Variants in RYR1 observed in about 807,000 individuals in gnomAD.
RYR1 encodes the protein ryanodine receptor 1.
Under a neutral mutation model 583.5 loss-of-function variants are expected in RYR1, and 342 were observed. The observed-to-expected ratio is 0.59, with a 90% CI of 0.54 to 0.64. The LOEUF (loss-of-function observed/expected upper bound fraction) is 0.64. Among genes scored for constraint, RYR1 ranks in the 30% least tolerant of loss-of-function variants. RYR1 has a pLI of 0.00. For synonymous variants in RYR1, 2,791 were observed against 2,822.5 expected (o/e 0.99, Z 0.35); for missense variants, 6,032 against 6,917.2 (o/e 0.87, Z 4.54).
intron 54 of RYR1, 46 bp downstream of exon 54, chr19:38,505,992 G>C: frequency 1.3e-6 from 2 of 1,594,128 alleles, no homozygotes; most frequent in Non-Finnish European, 1.7e-6. Flanking sequence ...ATGGGGGGAG[G>C]GTCTAGAACA....
intron 82 of RYR1, 24 bp from the exon 83 acceptor site, chr19:38,536,726 C>T (rs1485825612): frequency 6.8e-6 from 11 of 1,613,868 alleles, no homozygotes; most frequent in Admixed American, 1.7e-5. Context: ...CTGCTTCCTC[C>T]TCCCATCCTG....
At chr19:38,566,278 G>A (rs1360435581) in intron 91 of RYR1, among the ~76,000 whole-genome samples, 2 of 151,342 alleles carry the variant, frequency 1.3e-5, no homozygotes, top group Non-Finnish European at 2.9e-5. Context: ...GTGGAACCCC[G>A]TCTCTACTAA....
rs979326951 is a variant in RYR1 at position 38,502,955 on chromosome 19, C to T, written c.7911C>T (p.Ala2637=). 6 of 1,609,824 alleles carry T rather than the reference C, an allele frequency of 3.7e-6. No homozygotes were observed. Among genetic ancestry groups the T allele is most frequent in the Non-Finnish European group, 5.1e-6 (6 of 1,180,010 alleles). Residue 2637 remains alanine, a synonymous_variant, in exon 49 of 106, where the codon GCC becomes GCT. Transcript: ENST00000359596. ...VFDVPILNEF[A]KMPLKLLTNH... ...ACGTGCCCATCCTCAACGAGTTCGC[C>T]AAGATGCCACTCAAGGTGAGGGCAA...
intron 76 of RYR1, among the ~76,000 whole-genome samples, chr19:38,531,034 A>G (rs1971717387): frequency 8.0e-6 from 1 of 124,980 alleles, no homozygotes; most frequent in African/African-American, 3.2e-5. Context: ...GGGTTTCGCC[A>G]TGTTGTCCAG....
chr19:38,583,001 A>G (rs1974283921), intron 101 of RYR1, among the ~76,000 whole-genome samples: 1 of 152,140 alleles, frequency 6.6e-6, no homozygotes, highest in African/African-American at 2.4e-5. Flanking sequence ...GGGGACACGG[A>G]AAGAACAAGT....
intron 89 of RYR1, among the ~76,000 whole-genome samples, chr19:38,556,963 CCT>C (rs1434950098): frequency 6.6e-6 from 1 of 152,020 alleles, no homozygotes. Context: ...CCAGGAGGCA[CCT>C]CCTTTCCAGA....
At chr19:38,586,688 G>T in intron 105 of RYR1, 112 bp downstream of exon 105, 1 of 1,107,124 alleles carries the variant, frequency 9.0e-7, no homozygotes. Flanking sequence ...TTAGGGCTGG[G>T]GGCTGGGCAC....
intron 75 of RYR1, 74 bp downstream of exon 75, chr19:38,528,769 C>T: frequency 2.6e-6 from 4 of 1,513,254 alleles, no homozygotes; most frequent in Non-Finnish European, 3.7e-6. Context: ...CTTGGCACAC[C>T]TCCAGGGGTC....
At chr19:38,536,633 C>A in intron 82 of RYR1, 117 bp from the exon 83 acceptor site, 1 of 1,197,532 alleles carries the variant, frequency 8.4e-7, no homozygotes, top group Non-Finnish European at 1.2e-6. Context: ...TCCTCTCTCT[C>A]TGTGTGTCTT....
Position 38,534,799 on chromosome 19 carries a change from A to C in RYR1, c.11339A>C (p.Gln3780Pro), listed in dbSNP as rs1971893769. 1 of 1,613,290 alleles carries C rather than the reference A, an allele frequency of 6.2e-7. No homozygotes were observed. Reference protein sequence around the residue: ...HTRGAAEMVLQMISACKGETG... With the variant: ...HTRGAAEMVLPMISACKGETG... ...CGGGGGGCGGCCGAGATGGTGCTGCAGATGATCAGTGCCTGCAAAGGTGCC... is the reference window on the plus strand; with the variant it reads ...CGGGGGGCGGCCGAGATGGTGCTGCCGATGATCAGTGCCTGCAAAGGTGCC... The change falls in exon 79 of 106, where the codon CAG becomes CCG. Residue 3780 changes from glutamine (Q) to proline (P), a missense_variant. By Grantham distance (76) the Gln-to-Pro change is moderately conservative (BLOSUM62 -1). This residue lies in a region of RYR1 where 1,493 missense variants were observed against 1,715.5 expected (regional missense o/e 0.87). Coordinates refer to ENST00000359596, the MANE Select transcript of RYR1 (RefSeq NM_000540.3).
intron 20 of RYR1, among the ~76,000 whole-genome samples, chr19:38,462,887 T>TCTC (rs1967836301): frequency 1.1e-5 from 1 of 92,702 alleles, no homozygotes; most frequent in African/African-American, 4.6e-5. Context: ...TAATACTCTC[T>TCTC]CTTCTTTTTT....
chr19:38,525,253 G>A (rs1971414838), intron 70 of RYR1, 79 bp from the exon 71 acceptor site: 10 of 1,565,278 alleles, frequency 6.4e-6, no homozygotes, highest in Non-Finnish European at 8.8e-6. Flanking sequence ...TGGGGCCTGG[G>A]GTGTGGATGA....
At position 38,505,343 on chromosome 19, in the gene RYR1, A is replaced by T; in HGVS notation, c.8345A>T (p.Asp2782Val). ...AACTGGTCCTATGGAGAGAACATAG[A>T]CGAGGAGCTGAAGACCCACCCCATG... The part of the protein sequence containing the change: ...QNNWSYGENI[D>V]EELKTHPMLR... The change falls in exon 53 of 106, where the codon GAC (aspartate) becomes GTC (valine). Residue 2782 changes from aspartate to valine, a missense_variant. Physicochemically the swap from Asp to Val is radical, Grantham distance 152 (BLOSUM62 -3). This residue lies in a region of RYR1 where 1,493 missense variants were observed against 1,715.5 expected (regional missense o/e 0.87). Transcript: ENST00000359596. 3 of 1,612,536 alleles carry T rather than the reference A, an allele frequency of 1.9e-6. No individual in the cohort carries two copies. The highest frequency in any genetic ancestry group is 2.5e-6 in the Non-Finnish European group (3 of 1,179,378).
At chr19:38,550,560 G>C (rs1972621301) in intron 89 of RYR1, among the ~76,000 whole-genome samples, 1 of 151,982 alleles carries the variant, frequency 6.6e-6, no homozygotes, top group Non-Finnish European at 1.5e-5. Flanking sequence ...GCCCCGGCTG[G>C]AGTGCAGTCA....
At chr19:38,557,951 G>T (rs894117105) in intron 89 of RYR1, among the ~76,000 whole-genome samples, 1 of 152,074 alleles carries the variant, frequency 6.6e-6, no homozygotes, top group Non-Finnish European at 1.5e-5. Flanking sequence ...CTGCACTCCA[G>T]CATGGGCAAC....
At chr19:38,504,163 G>A in intron 49 of RYR1, 57 bp from the exon 50 acceptor site, 1 of 1,563,414 alleles carries the variant, frequency 6.4e-7, no homozygotes, top group Non-Finnish European at 8.7e-7. Flanking sequence ...GCCTTCGTCT[G>A]CCTGCCATTC....
intron 54 of RYR1, 69 bp downstream of exon 54, chr19:38,506,015 A>G: frequency 6.3e-7 from 1 of 1,584,446 alleles, no homozygotes; most frequent in Non-Finnish European, 8.6e-7. Flanking sequence ...GGGCATGGCC[A>G]GACAGGGAAG....
chr19:38,447,040 CA>C (rs970641040), intron 9 of RYR1, among the ~76,000 whole-genome samples: 1 of 150,552 alleles, frequency 6.6e-6, no homozygotes, highest in African/African-American at 2.4e-5. Context: ...CCCGTCTCTG[CA>C]AAAAAAATAA....
chr19:38,528,429 C>A lies in RYR1; in HGVS notation c.10937+11C>A, dbSNP rs375255559. 17 of 1,613,322 alleles carry A rather than the reference C, an allele frequency of 1.1e-5. No individual in the cohort carries two copies. The highest frequency in any genetic ancestry group is 1.4e-5 in the Non-Finnish European group (17 of 1,179,388). On this transcript the variant is annotated intron_variant, in intron 74 of 105. Transcript: ENST00000359596. ...GTACAACCTGCCCACGTAAGGCCCCCAGGGACAAGGGAAGCGTGAAGGGCT... is the reference window on the plus strand; with the variant it reads ...GTACAACCTGCCCACGTAAGGCCCCAAGGGACAAGGGAAGCGTGAAGGGCT...
Sources: allele counts gnomAD v4.1 joint callset (sites outside exome capture counted in the v4.1 genomes callset), GRCh38; gene constraint gnomAD v4.1.1; regional missense constraint gnomAD v4.1.1; transcripts MANE v1.5; gene names NCBI Gene and HGNC (gene_info 2026-07-23, HGNC 2026-07-21).